PRKDC: variants seen among roughly 807,000 people sequenced by gnomAD.
The protein encoded by PRKDC is DNA-dependent protein kinase catalytic subunit.
Under a neutral mutation model 486.9 loss-of-function variants are expected in PRKDC, and 82 were observed. The ratio of observed to expected loss-of-function variants is 0.17; its 90% CI spans 0.14 to 0.20. PRKDC has a LOEUF of 0.20. PRKDC is among the 10% of genes least tolerant of loss of function. The pLI, the probability that PRKDC is intolerant of heterozygous loss-of-function variation, is 1.00. For synonymous variants in PRKDC, 1,895 were observed against 1,837.0 expected, an observed-to-expected ratio of 1.03 and a Z score of -0.81; for missense variants, 4,504 against 5,038.2, an observed-to-expected ratio of 0.89 and a Z score of 3.21.
chr8:47,863,615 T>G, intron 41 of PRKDC, 38 bp from the exon 42 acceptor site: 1 of 1,506,450 alleles, frequency 6.6e-7, no homozygotes, highest in Non-Finnish European at 9.2e-7. Flanking sequence ...TTGGTCTTAT[T>G]AAACATGAAA....
At position 47,789,068 on chromosome 8, in the gene PRKDC, A is replaced by AT; in HGVS notation, c.10759-20_10759-19insA. On this transcript the variant is annotated intron_variant, in intron 75 of 85. Transcript: ENST00000314191. ...TCCAATCCTGTCAGGGGAAAAAAAA[A>AT]GTAAGAAAAAAATCAAGCTAGATTG... The AT allele has an allele frequency of 6.2e-7, 1 of 1,611,724 alleles. No individual in the cohort carries two copies. Among genetic ancestry groups the AT allele is most frequent in the Non-Finnish European group, 8.5e-7 (1 of 1,179,204 alleles).
intron 1 of PRKDC, 125 bp from the exon 2 acceptor site, chr8:47,957,556 G>A (rs2090726246): frequency 1.3e-6 from 1 of 786,246 alleles, no homozygotes; most frequent in Non-Finnish European, 2.0e-6. Flanking sequence ...TGTCGCCCAG[G>A]CTGGAGTGCA....
intron 68 of PRKDC, among the ~76,000 whole-genome samples, chr8:47,812,032 A>T (rs942104780): frequency 1.3e-5 from 2 of 152,250 alleles, no homozygotes; most frequent in African/African-American, 4.8e-5. Context: ...AAACCTGCAC[A>T]TTCTGCACAT....
At chr8:47,821,481 G>C in intron 65 of PRKDC, 123 bp downstream of exon 65, 1 of 883,202 alleles carries the variant, frequency 1.1e-6, no homozygotes, top group East Asian at 2.6e-5. Flanking sequence ...GTGGACTCAG[G>C]TCATGCAATT....
At chr8:47,833,478 C>T (rs1242775727) in intron 59 of PRKDC, among the ~76,000 whole-genome samples, 1 of 152,142 alleles carries the variant, frequency 6.6e-6, no homozygotes, top group African/African-American at 2.4e-5. Context: ...CGGCACCCGT[C>T]TAGTTCTGGT....
chr8:47,841,815 C>A (rs1472177810), intron 54 of PRKDC, among the ~76,000 whole-genome samples: 1 of 152,130 alleles, frequency 6.6e-6, no homozygotes, highest in African/African-American at 2.4e-5. Context: ...GTGATCTGGG[C>A]GCAGAAAGCA....
At chr8:47,838,982 C>CA (rs2088085089) in intron 56 of PRKDC, among the ~76,000 whole-genome samples, 166 bp downstream of exon 56, 1 of 152,340 alleles carries the variant, frequency 6.6e-6, no homozygotes, top group Non-Finnish European at 1.5e-5. Flanking sequence ...CCTTACTCTT[C>CA]ATAATGTGCT....
At chr8:47,865,850 T>C (rs1435890695) in intron 40 of PRKDC, among the ~76,000 whole-genome samples, 1 of 152,116 alleles carries the variant, frequency 6.6e-6, no homozygotes, top group East Asian at 1.9e-4. Flanking sequence ...AGGTGATCAG[T>C]GCCCTTATAT....
At chr8:47,819,270 G>A in intron 67 of PRKDC, 132 bp downstream of exon 67, 2 of 576,098 alleles carry the variant, frequency 3.5e-6, no homozygotes, top group African/African-American at 2.0e-5. Flanking sequence ...ATAGGTATTT[G>A]TAGAGGAAAT....
chr8:47,935,092 AAC>A (rs2090325936), intron 13 of PRKDC, 34 bp from the exon 14 acceptor site: 1 of 1,350,698 alleles, frequency 7.4e-7, no homozygotes, highest in East Asian at 2.5e-5. Flanking sequence ...AAATGAAGGA[AAC>A]ACTGAAAAAC....
At chr8:47,870,883 T>C (rs1484397556) in intron 40 of PRKDC, among the ~76,000 whole-genome samples, 1 of 151,954 alleles carries the variant, frequency 6.6e-6, no homozygotes, top group Non-Finnish European at 1.5e-5. Flanking sequence ...ACAAAGAGAT[T>C]GAAAAAATTA....
In PRKDC at chr8:47,954,341, T is replaced by A; in HGVS notation, c.505A>T (p.Thr169Ser). 1 of 1,236,966 alleles carries A rather than the reference T, an allele frequency of 8.1e-7. No homozygotes were observed. Among genetic ancestry groups the A allele is most frequent in the Non-Finnish European group, 1.1e-6 (1 of 900,002 alleles). 76.6% of individuals were successfully genotyped at this position (1,236,966 alleles called of 1,614,324 possible). Residue 169 changes from threonine to serine, a missense_variant, in exon 5 of 86, where the codon ACA becomes TCA. By Grantham distance (58) the Thr-to-Ser change is moderately conservative. Around this residue, in one of 6 missense-constraint regions of PRKDC, gnomAD observed 1,969 missense variants for 2,068.9 expected, o/e 0.95. Transcript: ENST00000314191. ...ELALKKKIPDTVLEKVYELLG... is the reference protein window; with the variant it reads ...ELALKKKIPDSVLEKVYELLG... ...ATAACATGTAAATGCATCTCACCTG[T>A]ATCTGGTATTTTTTTTTTCAATGCA... is the stretch of plus-strand genomic sequence containing the variant.
At chr8:47,877,969 G>T in intron 39 of PRKDC, 118 bp from the exon 40 acceptor site, 2 of 714,482 alleles carry the variant, frequency 2.8e-6, no homozygotes, top group Non-Finnish European at 3.8e-6. Context: ...ATAACATACA[G>T]AAAAATACAC....
chr8:47,858,194 CGCT>C (rs1166907560), intron 48 of PRKDC, among the ~76,000 whole-genome samples: 1 of 151,842 alleles, frequency 6.6e-6, no homozygotes, highest in Non-Finnish European at 1.5e-5. Flanking sequence ...CTCCACCCCC[CGCT>C]TTTTTTTTTC....
chr8:47,944,465 G>A (rs1210251754), intron 7 of PRKDC, among the ~76,000 whole-genome samples: 7 of 133,960 alleles, frequency 5.2e-5, no homozygotes, highest in African/African-American at 2.0e-4. Context: ...TCAACACCTA[G>A]TACATGTAAG....
intron 76 of PRKDC, 49 bp downstream of exon 76, chr8:47,788,857 C>A (rs1261154787): frequency 6.8e-7 from 1 of 1,463,604 alleles, no homozygotes. Context: ...TAACTATTGA[C>A]TGTCACAACG....
Position 47,939,087 on chromosome 8 carries a change from T to G in PRKDC, c.1113+464A>C, listed in dbSNP as rs529081862. ...TTTCCTAATTTCTCTGCATCTCAGT[T>G]TGCTAATCTGCAAAACAGAGTAATA... On this transcript the variant is annotated intron_variant, in intron 11 of 85. Transcript: ENST00000314191. Among the ~76,000 whole-genome samples, 11 of 152,326 alleles carry G rather than the reference T, an allele frequency of 7.2e-5. No homozygotes were observed. In the South Asian group the frequency reaches 1.7e-3, roughly 23 times the overall value.
chr8:47,836,604 T>C, intron 57 of PRKDC, 77 bp from the exon 58 acceptor site: 1 of 1,284,040 alleles, frequency 7.8e-7, no homozygotes, highest in Non-Finnish European at 1.1e-6. Flanking sequence ...CTGATATATT[T>C]CTATTTAAAA....
At chr8:47,911,095 C>T (rs551146899) in intron 25 of PRKDC, among the ~76,000 whole-genome samples, 16 of 152,106 alleles carry the variant, frequency 1.1e-4, no homozygotes, top group Non-Finnish European at 2.2e-4. Context: ...TCTTATCTTA[C>T]AGTATTGAAT....
Sources: allele counts gnomAD v4.1 joint callset (sites outside exome capture counted in the v4.1 genomes callset), GRCh38; gene constraint gnomAD v4.1.1; regional missense constraint gnomAD v4.1.1; transcripts MANE v1.5; gene names NCBI Gene and HGNC (gene_info 2026-07-23, HGNC 2026-07-21).